The following PRDM10 variants were observed in gnomAD, a reference collection of about 807,000 sequenced individuals.
PRDM10 encodes the protein PR domain zinc finger protein 10.
A neutral mutation model predicts 133.1 loss-of-function variants in PRDM10; 65 were observed. The observed-to-expected ratio is 0.49, with a 90% confidence interval of 0.40 to 0.60. PRDM10 has a LOEUF of 0.60. PRDM10 is among the 20% of genes least tolerant of loss of function. PRDM10 has a pLI of 0.00. For synonymous variants in PRDM10, 582 were observed against 580.4 expected, an observed-to-expected ratio of 1.00 and a Z score of -0.04; for missense variants, 1,137 against 1,507.1, an observed-to-expected ratio of 0.75 and a Z score of 4.07.
intron 1 of PRDM10, among the ~76,000 whole-genome samples, chr11:130,002,135 A>AGCCCGGC (rs1223824241): frequency 5.4e-5 from 8 of 149,418 alleles, no homozygotes; most frequent in African/African-American, 1.5e-4. Context: ...TGCCACCCCC[A>AGCCCGGC]GCCCGGCGCC....
At chr11:129,958,000 A>G in intron 2 of PRDM10, 90 bp from the exon 3 acceptor site, 3 of 1,392,516 alleles carry the variant, frequency 2.2e-6, no homozygotes, top group Non-Finnish European at 3.0e-6. Context: ...ATCCCCAATG[A>G]CAGGAGAATG....
intron 1 of PRDM10, among the ~76,000 whole-genome samples, chr11:129,980,996 C>T (rs1311456000): frequency 6.6e-6 from 1 of 151,452 alleles, no homozygotes; most frequent in Admixed American, 6.6e-5. Context: ...CTCAGCCTCC[C>T]GAGTAGCTGG....
intron 1 of PRDM10, among the ~76,000 whole-genome samples, chr11:129,973,053 T>A (rs952341281): frequency 6.6e-6 from 1 of 152,206 alleles, no homozygotes; most frequent in Admixed American, 6.5e-5. Context: ...CTTTCTTTTG[T>A]CTAAGATAAA....
intron 1 of PRDM10, among the ~76,000 whole-genome samples, chr11:130,000,834 C>CG (rs1314691152): frequency 6.6e-6 from 1 of 152,160 alleles, no homozygotes; most frequent in Non-Finnish European, 1.5e-5. Context: ...AGGCCGAGCG[C>CG]GGGGGCCCAT....
In PRDM10 at chr11:129,942,690, A is replaced by G. The variant is rs1203033454; in HGVS notation, c.763-61T>C. 3 of 1,420,352 alleles carry G rather than the reference A, an allele frequency of 2.1e-6. No individual in the cohort carries two copies. The African/African-American group carries it at 4.3e-5, about 20-fold the overall frequency. 88.0% of individuals were successfully genotyped at this position (1,420,352 alleles called of 1,614,324 possible). A position where few individuals can be genotyped will look rare whatever the true frequency, so the allele number is the denominator to read the frequency against. Reference sequence around the variant, plus strand: ...AAACCTTCAATATGAGACACATTTTATAATGTCACAATACGCAAAATATTG... The same window carrying G: ...AAACCTTCAATATGAGACACATTTTGTAATGTCACAATACGCAAAATATTG... On this transcript the variant is annotated intron_variant, in intron 6 of 20. Transcript: ENST00000360871.
intron 4 of PRDM10, among the ~76,000 whole-genome samples, chr11:129,950,718 C>A (rs909960112): frequency 6.6e-6 from 1 of 152,200 alleles, no homozygotes; most frequent in Non-Finnish European, 1.5e-5. Context: ...TTATCACATA[C>A]TGAACAAACC....
At chr11:129,922,365 A>T (rs1950545188) in intron 13 of PRDM10, among the ~76,000 whole-genome samples, 1 of 152,216 alleles carries the variant, frequency 6.6e-6, no homozygotes, top group Admixed American at 6.5e-5. Context: ...AGAACAGAAA[A>T]ATCCCAGACC....
intron 1 of PRDM10, among the ~76,000 whole-genome samples, chr11:129,999,739 T>C (rs538295257): frequency 6.6e-6 from 1 of 152,312 alleles, no homozygotes; most frequent in African/African-American, 2.4e-5. Flanking sequence ...TCCAGAAGCC[T>C]ATCCCTATCA....
chr11:129,930,939 T>C, intron 11 of PRDM10, 77 bp downstream of exon 11: 1 of 1,519,948 alleles, frequency 6.6e-7, no homozygotes, highest in Non-Finnish European at 8.8e-7. Context: ...GTGAATAGGT[T>C]AGAAAACCAC....
At chr11:129,948,604 G>C (rs578258084) in intron 4 of PRDM10, among the ~76,000 whole-genome samples, 2 of 152,188 alleles carry the variant, frequency 1.3e-5, no homozygotes, top group East Asian at 3.8e-4. Context: ...GACAATTTCT[G>C]TGGAGCCCAG....
At position 129,925,095 on chromosome 11, in the gene PRDM10, T is replaced by C. The variant is rs754485450; in HGVS notation, c.1665A>G (p.Pro555=). ...LRFHGREGNC[P]LTCDLCNKGF... ...CCTTGTTACAGAGATCACAGGTCAG[T>C]GGGCAGTTCCCCTCCCGCCCATGGA... Residue 555 remains proline (P), a synonymous_variant, in exon 12 of 21, where the codon CCA becomes CCG. Coordinates refer to ENST00000360871, the MANE Select transcript of PRDM10 (RefSeq NM_199437.2). The C allele has an allele frequency of 6.8e-6, 11 of 1,614,090 alleles. No individual in the cohort carries two copies. Among genetic ancestry groups the C allele is most frequent in the Middle Eastern group, 3.3e-4 (2 of 6,084 alleles).
intron 2 of PRDM10, among the ~76,000 whole-genome samples, chr11:129,958,587 T>C (rs974013060): frequency 6.6e-6 from 1 of 152,172 alleles, no homozygotes; most frequent in Non-Finnish European, 1.5e-5. Flanking sequence ...GAGGTTGCAG[T>C]GAGCCGAGAT....
intron 4 of PRDM10, among the ~76,000 whole-genome samples, chr11:129,950,499 C>T (rs1355280841): frequency 1.3e-5 from 2 of 152,134 alleles, no homozygotes; most frequent in African/African-American, 4.8e-5. Context: ...GCCTCAGCTT[C>T]AATAAAAACA....
Position 129,914,728 on chromosome 11 carries a change from C to G in PRDM10, c.2817G>C (p.Gln939His). The G allele has an allele frequency of 6.2e-7, 1 of 1,614,244 alleles. No individual in the cohort carries two copies. The highest frequency in any genetic ancestry group is 1.1e-5 in the South Asian group (1 of 91,090). ...CCGAGGCCACTTGAACCACTTGCAGCTGTATGTGCTGAGGCTGCTGGAGGC... is the reference window on the plus strand; with the variant it reads ...CCGAGGCCACTTGAACCACTTGCAGGTGTATGTGCTGAGGCTGCTGGAGGC... ...ASGLQQPQHI[Q>H]LQVVQVASAT... The change falls in exon 17 of 21, where the codon CAG becomes CAC. Residue 939 changes from glutamine to histidine, a missense_variant. Physicochemically the swap from Gln to His is conservative, Grantham distance 24. This residue lies in a region of PRDM10 where 113 missense variants were observed against 143.7 expected (regional missense o/e 0.79). Transcript: ENST00000360871.
chr11:129,927,965 C>G (rs946294663), intron 11 of PRDM10, among the ~76,000 whole-genome samples: 2 of 152,150 alleles, frequency 1.3e-5, no homozygotes, highest in African/African-American at 4.8e-5. Flanking sequence ...CCACACTCTA[C>G]ATATATATCA....
intron 1 of PRDM10, among the ~76,000 whole-genome samples, chr11:129,969,319 C>A (rs951945629): frequency 2.0e-5 from 3 of 152,078 alleles, no homozygotes; most frequent in African/African-American, 7.2e-5. Flanking sequence ...AGTGAGTTAC[C>A]ATAAATACTA....
In PRDM10 at chr11:129,937,659, G is replaced by C; in HGVS notation, c.978C>G (p.Ala326=). The C allele has an allele frequency of 6.2e-7, 1 of 1,613,004 alleles. No homozygotes were observed. Among genetic ancestry groups the C allele is most frequent in the Non-Finnish European group, 8.5e-7 (1 of 1,179,762 alleles). The change falls in exon 8 of 21, where the codon GCC becomes GCG. Residue 326 remains alanine (A), a synonymous_variant. Coordinates refer to ENST00000360871, the MANE Select transcript of PRDM10 (RefSeq NM_199437.2). ...GGTTCACGAACTCAGCATAGGATGC[G>C]GCATACCACACCTGCAAGAAGCAAG... ...EPKQELKVWY[A]ASYAEFVNQK...
At chr11:129,985,618 C>T (rs940463751) in intron 1 of PRDM10, among the ~76,000 whole-genome samples, 1 of 150,754 alleles carries the variant, frequency 6.6e-6, no homozygotes, top group Non-Finnish European at 1.5e-5. Flanking sequence ...AGGGCAAGAC[C>T]CTGTCTCTAC....
chr11:129,961,119 A>G, intron 1 of PRDM10, 37 bp from the exon 2 acceptor site: 1 of 537,922 alleles, frequency 1.9e-6, no homozygotes, highest in Non-Finnish European at 3.3e-6. Context: ...GACTTTCAGT[A>G]GATAAATACA....
Sources: allele counts gnomAD v4.1 joint callset (sites outside exome capture counted in the v4.1 genomes callset), GRCh38; gene constraint gnomAD v4.1.1; regional missense constraint gnomAD v4.1.1; transcripts MANE v1.5; gene names NCBI Gene and HGNC (gene_info 2026-07-23, HGNC 2026-07-21).